The following MAD1L1 variants were observed in gnomAD, a reference collection of about 807,000 sequenced individuals.
The protein encoded by MAD1L1 is mitotic arrest deficient 1 like 1, also known as mitotic spindle assembly checkpoint protein MAD1.
MAD1L1 carries 95 observed loss-of-function variants against 96.9 expected under a neutral mutation model. The ratio of observed to expected loss-of-function variants is 0.98; its 90% CI spans 0.83 to 1.16. The LOEUF (loss-of-function observed/expected upper bound fraction) is 1.16, where lower values mean the gene tolerates loss of function less well. Among genes scored for constraint, MAD1L1 ranks in the 50% most tolerant of loss-of-function variants. MAD1L1 has a pLI of 0.00. For synonymous variants in MAD1L1, 473 were observed against 396.6 expected, an observed-to-expected ratio of 1.19 and a Z score of -2.29; for missense variants, 1,007 against 954.4, an observed-to-expected ratio of 1.06 and a Z score of -0.73.
At chr7:1,837,912 G>C (rs1783021864) in intron 18 of MAD1L1, among the ~76,000 whole-genome samples, 1 of 152,252 alleles carries the variant, frequency 6.6e-6, no homozygotes, top group Admixed American at 6.5e-5. Flanking sequence ...AGCAAACAGG[G>C]AAGCCCTGGC....
chr7:2,061,439 C>T (rs559986750), intron 12 of MAD1L1, among the ~76,000 whole-genome samples: 187 of 152,334 alleles, frequency 1.2e-3, no homozygotes, highest in African/African-American at 4.2e-3. Context: ...GGTGTCTAAC[C>T]GGCCAGTGAG....
Position 2,032,278 on chromosome 7 carries a change from GTCCTCC to G in MAD1L1, c.1219-17642_1219-17637del, listed in dbSNP as rs1297083527. On this transcript the variant is annotated intron_variant, in intron 12 of 18. Transcript: ENST00000265854. ...GAACCACCTCCTGAGGCAGGCTGGAGTCCTCCCTTTCAGATGAGGACAAGGCTCCAG... is the reference window on the plus strand; with the variant it reads ...GAACCACCTCCTGAGGCAGGCTGGAGCTTTCAGATGAGGACAAGGCTCCAG... Among the ~76,000 whole-genome samples the G allele has an allele frequency of 4.1e-3, 621 of 152,336 alleles. 6 individuals are homozygous for G. The highest frequency in any genetic ancestry group is 0.014 in the African/African-American group (587 of 41,584).
At chr7:1,827,063 C>T (rs1218815269) in intron 18 of MAD1L1, among the ~76,000 whole-genome samples, 1 of 152,238 alleles carries the variant, frequency 6.6e-6, no homozygotes, top group Middle Eastern at 3.2e-3. Flanking sequence ...CGGAGGGGAG[C>T]CGAGGGAGTG....
chr7:2,008,456 G>A (rs1562602445), intron 13 of MAD1L1, among the ~76,000 whole-genome samples: 1 of 152,234 alleles, frequency 6.6e-6, no homozygotes, highest in African/African-American at 2.4e-5. Flanking sequence ...CCAGGCCCTG[G>A]CCACAGCGTC....
At chr7:2,131,087 T>A (rs1788488431) in intron 11 of MAD1L1, among the ~76,000 whole-genome samples, 1 of 152,190 alleles carries the variant, frequency 6.6e-6, no homozygotes, top group African/African-American at 2.4e-5. Context: ...TTAAACTAGA[T>A]TCGGACGCTT....
intron 11 of MAD1L1, among the ~76,000 whole-genome samples, chr7:2,099,552 T>A (rs1284019314): frequency 6.6e-6 from 1 of 152,218 alleles, no homozygotes; most frequent in Non-Finnish European, 1.5e-5. Context: ...ATCTTTACTG[T>A]ACTAACAACC....
chr7:1,857,454 T>C (rs564287415), intron 18 of MAD1L1, among the ~76,000 whole-genome samples: 6 of 152,180 alleles, frequency 3.9e-5, no homozygotes, highest in South Asian at 4.1e-4. Context: ...TGCTGTCACA[T>C]AGGCACTCCT....
intron 7 of MAD1L1, among the ~76,000 whole-genome samples, chr7:2,216,649 C>A (rs914121630): frequency 6.6e-6 from 1 of 152,172 alleles, no homozygotes; most frequent in Admixed American, 6.5e-5. Context: ...GGTTCATCAC[C>A]GTCACACGTG....
At chr7:2,033,727 A>C (rs10280870) in intron 12 of MAD1L1, among the ~76,000 whole-genome samples, 57 of 152,192 alleles carry the variant, frequency 3.7e-4, no homozygotes, top group African/African-American at 1.1e-3. Context: ...CTGGGACAGC[A>C]GTCACGGGCG....
intron 10 of MAD1L1, among the ~76,000 whole-genome samples, chr7:2,208,152 T>C (rs1023527946): frequency 1.3e-4 from 20 of 152,332 alleles, no homozygotes; most frequent in African/African-American, 4.8e-4. Flanking sequence ...CAGATTTTCT[T>C]ATATGCATTC....
chr7:2,073,434 C>G (rs1006251588), intron 11 of MAD1L1, among the ~76,000 whole-genome samples: 8 of 152,216 alleles, frequency 5.3e-5, no homozygotes, highest in East Asian at 1.9e-4. Context: ...TCAGTCACCT[C>G]TTGGACCCAA....
At chr7:1,924,427 G>A (rs1289288422) in intron 17 of MAD1L1, among the ~76,000 whole-genome samples, 1 of 152,214 alleles carries the variant, frequency 6.6e-6, no homozygotes, top group Non-Finnish European at 1.5e-5. Flanking sequence ...TTCTTTGAGT[G>A]ACTGCAGGTT....
intron 17 of MAD1L1, among the ~76,000 whole-genome samples, chr7:1,904,899 AGGAT>A (rs1408648106): frequency 8.1e-5 from 8 of 99,308 alleles, no homozygotes; most frequent in East Asian, 3.2e-4. Flanking sequence ...CCAGGCAGCA[AGGAT>A]GCAGTCGCCT....
In MAD1L1 at chr7:1,893,763, C is replaced by A. The variant is rs553775236; in HGVS notation, c.1998+4437G>T. On this transcript the variant is annotated intron_variant, in intron 18 of 18. Coordinates refer to ENST00000265854, the MANE Select transcript of MAD1L1 (RefSeq NM_001013836.2). ...TGACAGATGGGGAAACTGAGTCTCA[C>A]AGGAGTGCAGTGGCCTGGCCAAGGC... 1.3e-5 allele frequency among the ~76,000 whole-genome samples: 2 copies of A among 152,344 alleles called. 1 individual carries two copies. Among genetic ancestry groups the A allele is most frequent in the South Asian group, 4.1e-4 (2 of 4,826 alleles).
chr7:1,966,350 G>A (rs1780165251), intron 15 of MAD1L1, among the ~76,000 whole-genome samples: 1 of 152,156 alleles, frequency 6.6e-6, no homozygotes, highest in African/African-American at 2.4e-5. Flanking sequence ...AAGTCAGCCT[G>A]GAGAGAGGCA....
chr7:1,937,547 G>A (rs1778681136), intron 16 of MAD1L1, among the ~76,000 whole-genome samples: 1 of 152,160 alleles, frequency 6.6e-6, no homozygotes, highest in South Asian at 2.1e-4. Flanking sequence ...ATGCAGCCCT[G>A]CAGCAGGGAC....
intron 16 of MAD1L1, among the ~76,000 whole-genome samples, chr7:1,940,963 C>G (rs897591466): frequency 1.7e-5 from 1 of 57,532 alleles, no homozygotes; most frequent in Non-Finnish European, 4.6e-5. Context: ...TTCCTCCCCC[C>G]GCAGGCCTCA....
At position 2,146,725 on chromosome 7, in the gene MAD1L1, C is replaced by T. The variant is rs914027852; in HGVS notation, c.1073+2427G>A. 6.6e-6 allele frequency among the ~76,000 whole-genome samples: 1 copy of T among 152,224 alleles called. No individual in the cohort carries two copies. The highest frequency in any genetic ancestry group is 1.9e-4 in the East Asian group (1 of 5,198). On this transcript the variant is annotated intron_variant, in intron 11 of 18. Coordinates refer to ENST00000265854, the MANE Select transcript of MAD1L1 (RefSeq NM_001013836.2). The surrounding 1 kb of genome is among the most constrained non-coding windows in gnomAD (Gnocchi z 6.2). ...CAAAGCCCTCGGGGATCTGGGCCACCGTGGCCTCCCATCTTCTGCCATGCC... is the reference window on the plus strand; with the variant it reads ...CAAAGCCCTCGGGGATCTGGGCCACTGTGGCCTCCCATCTTCTGCCATGCC...
chr7:2,006,561 G>A (rs1207591698), intron 13 of MAD1L1, among the ~76,000 whole-genome samples: 1 of 150,252 alleles, frequency 6.7e-6, no homozygotes, highest in Non-Finnish European at 1.5e-5. Context: ...AGGAGAGACG[G>A]GACATCACTA....
Sources: gnomAD v4.1 joint callset for allele counts (sites outside exome capture counted in the v4.1 genomes callset) on GRCh38, gnomAD v4.1.1 for gene constraint, Gnocchi (gnomAD v3.1) non-coding constraint, MANE v1.5 for transcripts, NCBI Gene and HGNC (gene_info 2026-07-23, HGNC 2026-07-21) for gene names.